Variants in KCNIP1 observed in about 807,000 individuals in gnomAD.
KCNIP1 encodes the protein A-type potassium channel modulatory protein KCNIP1.
A neutral mutation model predicts 33.0 loss-of-function variants in KCNIP1; 18 were observed. That is an observed-to-expected ratio of 0.55 (90% CI 0.38 to 0.81). The LOEUF (loss-of-function observed/expected upper bound fraction) is 0.81, where lower values mean the gene tolerates loss of function less well. Ranked by LOEUF, KCNIP1 falls within the 30% of genes least tolerant of loss-of-function variation. KCNIP1 has a pLI of 0.00. For synonymous variants in KCNIP1, 93 were observed against 98.3 expected (o/e 0.95, Z 0.32); for missense variants, 238 against 271.6 (o/e 0.88, Z 0.87).
At position 170,733,882 on chromosome 5, in the gene KCNIP1, T is replaced by C. The variant is rs770841485; in HGVS notation, c.587T>C (p.Leu196Pro). 6.2e-7 allele frequency: 1 copy of C among 1,613,746 alleles called. No individual in the cohort carries two copies. Among genetic ancestry groups the C allele is most frequent in the Non-Finnish European group, 8.5e-7 (1 of 1,179,654 alleles). Residue 196 changes from leucine (L) to proline (P), a missense_variant, in exon 7 of 8, where the codon CTT (leucine) becomes CCT (proline). Transcript: ENST00000328939. The part of the protein sequence containing the change: ...KDGIVTLDEF[L>P]ESCQEDDNIM... ...GGCATCGTAACTTTAGATGAATTTC[T>C]TGAATCATGTCAGGAGGTAAGGAGA...
intron 1 of KCNIP1, among the ~76,000 whole-genome samples, chr5:170,711,430 C>T (rs568911295): frequency 4.0e-4 from 61 of 152,342 alleles, no homozygotes; most frequent in Admixed American, 1.0e-3. Context: ...TATTAAAATG[C>T]TACCAAAGCA....
rs547961440 is a variant in KCNIP1 at position 170,385,855 on chromosome 5, C to T, written c.88+31891C>T. ...CTCTTGAAGGCCAGGTGCGGTGGCT[C>T]ATGCCTGAAATCCCAGCACTTTCGG... On this transcript the variant is annotated intron_variant, in intron 1 of 7. Transcript: ENST00000377360. Among the ~76,000 whole-genome samples, 9 of 152,094 alleles carry T rather than the reference C, an allele frequency of 5.9e-5. 1 individual carries two copies. Among genetic ancestry groups the T allele is most frequent in the South Asian group, 4.2e-4 (2 of 4,800 alleles).
In KCNIP1 at chr5:170,563,910, T is replaced by G. The variant is rs905894126; in HGVS notation, c.61+59277T>G. On this transcript the variant is annotated intron_variant, in intron 1 of 7. Coordinates refer to ENST00000328939, the MANE Select transcript of KCNIP1 (RefSeq NM_014592.4). ...GCCTGAGCCTCCCAAAGTGCTGGGA[T>G]TACAAGCGTGAGCCACTGCATCAGG... 5.9e-5 allele frequency among the ~76,000 whole-genome samples: 9 copies of G among 152,306 alleles called. No individual in the cohort carries two copies. The South Asian group carries it at 1.9e-3, about 32-fold the overall frequency.
chr5:170,574,974 G>A (rs1032108235), intron 1 of KCNIP1, among the ~76,000 whole-genome samples: 8 of 152,148 alleles, frequency 5.3e-5, no homozygotes, highest in African/African-American at 1.9e-4. Context: ...AACAGTATTC[G>A]AAGACCTGCT....
intron 1 of KCNIP1, among the ~76,000 whole-genome samples, chr5:170,588,117 G>A (rs1028353689): frequency 2.8e-4 from 43 of 152,218 alleles, no homozygotes; most frequent in African/African-American, 9.9e-4. Flanking sequence ...GTTTCCAAAA[G>A]TAAGACTGGA....
chr5:170,495,753 G>A (rs1437213436), intron 1 of KCNIP1, among the ~76,000 whole-genome samples: 6 of 152,208 alleles, frequency 3.9e-5, no homozygotes, highest in Non-Finnish European at 5.9e-5. Flanking sequence ...TCAAATGTGC[G>A]GCAGGTTGTG....
intron 1 of KCNIP1, among the ~76,000 whole-genome samples, chr5:170,610,681 G>C (rs1759111687): frequency 6.6e-6 from 1 of 152,192 alleles, no homozygotes; most frequent in South Asian, 2.1e-4. Context: ...ACTATTTTAT[G>C]TATTCCATGG....
At chr5:170,581,018 G>A (rs527320821) in intron 1 of KCNIP1, among the ~76,000 whole-genome samples, 1 of 152,250 alleles carries the variant, frequency 6.6e-6, no homozygotes, top group African/African-American at 2.4e-5. Flanking sequence ...AAGTATAAGA[G>A]ATTCTATTGT....
chr5:170,522,743 C>G (rs970524956), intron 1 of KCNIP1, among the ~76,000 whole-genome samples: 1 of 152,240 alleles, frequency 6.6e-6, no homozygotes, highest in Non-Finnish European at 1.5e-5. Flanking sequence ...CCCCACGGGT[C>G]TGGGTCTGTT....
At chr5:170,530,058 A>G (rs781288058) in intron 1 of KCNIP1, among the ~76,000 whole-genome samples, 1 of 152,212 alleles carries the variant, frequency 6.6e-6, no homozygotes, top group Non-Finnish European at 1.5e-5. Context: ...TCACCATGCC[A>G]CTGCTGACTA....
chr5:170,478,180 G>T (rs141451140), intron 1 of KCNIP1, among the ~76,000 whole-genome samples: 49 of 152,312 alleles, frequency 3.2e-4, no homozygotes, highest in African/African-American at 1.1e-3. Context: ...GGGGCGGGAA[G>T]GGGCAGGTAA....
chr5:170,681,511 G>A (rs562234958), intron 1 of KCNIP1: 3 of 186,522 alleles, frequency 1.6e-5, no homozygotes, highest in Non-Finnish European at 3.3e-5. Context: ...AAGCTGTCTG[G>A]TAACTACGTA....
chr5:170,501,653 T>C (rs748013504), upstream of KCNIP1, among the ~76,000 whole-genome samples: 1 of 152,208 alleles, frequency 6.6e-6, no homozygotes, highest in Non-Finnish European at 1.5e-5. Flanking sequence ...ACCTCTCAAG[T>C]GCTGTCCTTA....
intron 1 of KCNIP1, among the ~76,000 whole-genome samples, chr5:170,401,779 C>A (rs1301131549): frequency 6.6e-6 from 1 of 151,882 alleles, no homozygotes; most frequent in South Asian, 2.1e-4. Context: ...AAAAATCCCT[C>A]ATAATTTACT....
upstream of KCNIP1, among the ~76,000 whole-genome samples, chr5:170,503,724 T>TCACACA (rs70979180): frequency 0.079 from 10,713 of 136,312 alleles, 573 homozygotes; most frequent in Non-Finnish European, 0.11. Context: ...CGCACGCACA[T>TCACACA]CACACACACA....
At chr5:170,643,328 AACT>A (rs1416279445) in intron 1 of KCNIP1, among the ~76,000 whole-genome samples, 1 of 152,254 alleles carries the variant, frequency 6.6e-6, no homozygotes, top group Non-Finnish European at 1.5e-5. Flanking sequence ...CTGGCTCCAG[AACT>A]GTAAGAGAAT....
At chr5:170,665,885 C>T (rs1761685365) in intron 1 of KCNIP1, among the ~76,000 whole-genome samples, 1 of 152,196 alleles carries the variant, frequency 6.6e-6, no homozygotes, top group African/African-American at 2.4e-5. Flanking sequence ...AGGAAGAGCA[C>T]AGAGGTAAAG....
At chr5:170,368,139 G>A (rs1192383506) in intron 1 of KCNIP1, among the ~76,000 whole-genome samples, 1 of 152,190 alleles carries the variant, frequency 6.6e-6, no homozygotes, top group Non-Finnish European at 1.5e-5. Flanking sequence ...TATGATGAAT[G>A]CAGTTCCAGT....
At chr5:170,723,193 T>C (rs778712738) in intron 5 of KCNIP1, among the ~76,000 whole-genome samples, 9 of 152,190 alleles carry the variant, frequency 5.9e-5, no homozygotes, top group Non-Finnish European at 1.2e-4. Context: ...AGGCAGCACC[T>C]AGAATAGAAA....
Sources: gnomAD v4.1 joint callset for allele counts (sites outside exome capture counted in the v4.1 genomes callset) on GRCh38, gnomAD v4.1.1 for gene constraint, MANE v1.5 for transcripts, NCBI Gene and HGNC (gene_info 2026-07-23, HGNC 2026-07-21) for gene names.